The following FSTL1 variants were observed in gnomAD, a reference collection of about 807,000 sequenced individuals.
The protein encoded by FSTL1 is follistatin-related protein 1.
In FSTL1, 24 loss-of-function variants were observed where a neutral mutation model predicts 45.9. That is an observed-to-expected ratio of 0.52 (90% confidence interval 0.38 to 0.74). The LOEUF (loss-of-function observed/expected upper bound fraction) is 0.74. Among genes scored for constraint, FSTL1 ranks in the 30% least tolerant of loss-of-function variants. The pLI is 0.00. For synonymous variants in FSTL1, 120 were observed against 137.6 expected (o/e 0.87, Z 0.89); for missense variants, 340 against 381.8 (o/e 0.89, Z 0.91).
chr3:120,414,025 C>T (rs557571944), intron 3 of FSTL1, among the ~76,000 whole-genome samples: 27 of 151,768 alleles, frequency 1.8e-4, no homozygotes, highest in East Asian at 1.6e-3. Flanking sequence ...GCAAGTGATC[C>T]GCCAGCCTCG....
intron 3 of FSTL1, among the ~76,000 whole-genome samples, chr3:120,415,070 C>T (rs1321680254): frequency 6.8e-6 from 1 of 147,980 alleles, no homozygotes; most frequent in Non-Finnish European, 1.5e-5. Context: ...CTTTTAATTT[C>T]TAAATTATTG....
intron 9 of FSTL1, chr3:120,400,225 G>T: frequency 2.2e-6 from 1 of 455,832 alleles, no homozygotes; most frequent in South Asian, 3.6e-5. Context: ...GCCAGAAGCT[G>T]GCCCTACAAA....
Position 120,429,765 on chromosome 3 carries a change from T to C in FSTL1, c.64-13738A>G, listed in dbSNP as rs1026551081. On this transcript the variant is annotated intron_variant, in intron 2 of 10. Coordinates refer to ENST00000295633, the MANE Select transcript of FSTL1 (RefSeq NM_007085.5). Reference sequence around the variant, plus strand: ...TTCTAGGGTTCTGCTGCTGGGAAGCTGGGGAGCCTCAGCAGATGGGACCAT... The same window carrying C: ...TTCTAGGGTTCTGCTGCTGGGAAGCCGGGGAGCCTCAGCAGATGGGACCAT... Among the ~76,000 whole-genome samples, 6 of 152,328 alleles carry C rather than the reference T, an allele frequency of 3.9e-5. No homozygotes were observed. The East Asian group carries it at 9.7e-4, about 25-fold the overall frequency.
intron 2 of FSTL1, among the ~76,000 whole-genome samples, chr3:120,433,398 A>G (rs1171035332): frequency 6.6e-6 from 1 of 152,262 alleles, no homozygotes; most frequent in East Asian, 1.9e-4. Flanking sequence ...TACGGCACAG[A>G]GATGACTATC....
At chr3:120,419,819 T>C (rs1937248376) in intron 2 of FSTL1, 1 of 152,248 alleles carries the variant, frequency 6.6e-6, no homozygotes, top group African/African-American at 2.4e-5. Flanking sequence ...GACTGTAATC[T>C]AGTCGGGGAT....
intron 9 of FSTL1, among the ~76,000 whole-genome samples, chr3:120,402,535 T>C (rs1017096284): frequency 6.6e-6 from 1 of 152,184 alleles, no homozygotes; most frequent in African/African-American, 2.4e-5. Context: ...TCCATAATGT[T>C]ACTATTCCAT....
At chr3:120,426,841 G>T (rs1240349829) in intron 2 of FSTL1, among the ~76,000 whole-genome samples, 1 of 152,060 alleles carries the variant, frequency 6.6e-6, no homozygotes, top group African/African-American at 2.4e-5. Context: ...TGTTCATGTA[G>T]CCTCGAGATC....
At chr3:120,418,247 G>C (rs1199042981) in intron 2 of FSTL1, among the ~76,000 whole-genome samples, 2 of 152,124 alleles carry the variant, frequency 1.3e-5, no homozygotes, top group Non-Finnish European at 1.5e-5. Flanking sequence ...TGCAAGAATA[G>C]GTATATTATT....
At chr3:120,414,405 G>A in intron 3 of FSTL1, among the ~76,000 whole-genome samples, 1 of 152,150 alleles carries the variant, frequency 6.6e-6, no homozygotes, top group East Asian at 1.9e-4. Context: ...CCCATCGTCT[G>A]AGATGTGGGG....
intron 2 of FSTL1, among the ~76,000 whole-genome samples, chr3:120,432,401 C>T (rs113195351): frequency 0.014 from 2,071 of 152,282 alleles, 21 homozygotes; most frequent in Middle Eastern, 0.031. Context: ...CCTTGGCTGA[C>T]AGGAGGCCCA....
In FSTL1 at chr3:120,404,842, G is replaced by A; in HGVS notation, c.581+11C>T. On this transcript the variant is annotated intron_variant, in intron 7 of 10. Coordinates refer to ENST00000295633, the MANE Select transcript of FSTL1 (RefSeq NM_007085.5). ...TTGTGGATCATTCTCTGACCTCTCG[G>A]TTCCTCTCACCTAAGCAACTTGTTG... 2 of 1,286,056 alleles carry A rather than the reference G, an allele frequency of 1.6e-6. No individual in the cohort carries two copies. Among genetic ancestry groups the A allele is most frequent in the South Asian group, 1.2e-5 (1 of 84,710 alleles). The allele number at this position is 1,286,056 out of a possible 1,614,324, so 79.7% of individuals were successfully genotyped here.
intron 4 of FSTL1, chr3:120,411,247 G>A (rs141256343): frequency 1.4e-4 from 52 of 359,568 alleles, no homozygotes; most frequent in Admixed American, 6.1e-4. Flanking sequence ...GGGGTCACTG[G>A]GATTTTGAGA....
intron 3 of FSTL1, among the ~76,000 whole-genome samples, chr3:120,415,088 A>G (rs1211805101): frequency 2.0e-5 from 3 of 151,770 alleles, no homozygotes; most frequent in African/African-American, 4.8e-5. Context: ...TTGCTTTTAT[A>G]CAATGGAATA....
rs757872214 is a variant in FSTL1, at chr3:120,396,479, T to G, written c.*473A>C. 2.5e-5 allele frequency: 4 copies of G among 158,476 alleles called. No individual in the cohort carries two copies. The highest frequency in any genetic ancestry group is 5.6e-5 in the Non-Finnish European group (4 of 71,892). 9.8% of individuals were successfully genotyped at this position (158,476 alleles called of 1,614,324 possible). On this transcript the variant is annotated 3_prime_UTR_variant, in exon 11 of 11. Transcript: ENST00000295633. Reference sequence around the variant, plus strand: ...AGAGGCAGTTATTGGGACCAAGAGATGCGTGGATGCTGGAGGTCTGTCATG... The same window carrying G: ...AGAGGCAGTTATTGGGACCAAGAGAGGCGTGGATGCTGGAGGTCTGTCATG...
rs1382832813 is a variant in FSTL1 at position 120,395,176 on chromosome 3, T to C, written c.*1776A>G. On this transcript the variant is annotated 3_prime_UTR_variant, in exon 11 of 11. Coordinates refer to ENST00000295633, the MANE Select transcript of FSTL1 (RefSeq NM_007085.5). ...ACAAGAAAAACTAGAAGGAATTCTA[T>C]TTTTGGCACAACAGTTTCTCACAGT... 1 of 153,954 alleles carries C rather than the reference T, an allele frequency of 6.5e-6. No homozygotes were observed. The highest frequency in any genetic ancestry group is 2.4e-5 in the African/African-American group (1 of 41,480). The allele number at this position is 153,954 out of a possible 1,614,324, so 9.5% of individuals were successfully genotyped here. A position where few individuals can be genotyped will look rare whatever the true frequency, so the allele number is the denominator to read the frequency against.
intron 2 of FSTL1, among the ~76,000 whole-genome samples, chr3:120,424,558 A>G (rs918484263): frequency 5.3e-5 from 8 of 152,310 alleles, no homozygotes; most frequent in Non-Finnish European, 1.2e-4. Context: ...ACAGTGGCAC[A>G]TGGCAAGAAA....
chr3:120,420,539 T>C (rs1001676933), intron 2 of FSTL1, among the ~76,000 whole-genome samples: 1 of 152,184 alleles, frequency 6.6e-6, no homozygotes, highest in Non-Finnish European at 1.5e-5. Context: ...GCTCTGGAGA[T>C]TTGGTCTCAT....
At chr3:120,430,032 G>A (rs1249554423) in intron 2 of FSTL1, among the ~76,000 whole-genome samples, 14 of 152,132 alleles carry the variant, frequency 9.2e-5, no homozygotes, top group Non-Finnish European at 1.9e-4. Context: ...GAAAACAGTG[G>A]CACAGGGATC....
chr3:120,450,614 C>A, intron 2 of FSTL1, 70 bp downstream of exon 2: 1 of 1,077,650 alleles, frequency 9.3e-7, no homozygotes, highest in African/African-American at 1.7e-5. Flanking sequence ...AGGACGCGCG[C>A]CCACCCGCCC....
Sources: gnomAD v4.1 joint callset for allele counts (sites outside exome capture counted in the v4.1 genomes callset) on GRCh38, gnomAD v4.1.1 for gene constraint, MANE v1.5 for transcripts, NCBI Gene and HGNC (gene_info 2026-07-23, HGNC 2026-07-21) for gene names.